The following SEC14L5 variants were observed in gnomAD, a reference collection of about 807,000 sequenced individuals.
The protein encoded by SEC14L5 is SEC14-like protein 5.
In SEC14L5, 96 loss-of-function variants were observed where a neutral mutation model predicts 84.6. That is an observed-to-expected ratio of 1.13 (90% confidence interval 0.96 to 1.34). The LOEUF is 1.34. Among genes scored for constraint, SEC14L5 ranks in the 40% most tolerant of loss-of-function variants. The pLI is 0.00. For missense variants in SEC14L5, 1,224 were observed against 942.5 expected (o/e 1.30, Z -3.91); for synonymous variants, 546 against 383.4 (o/e 1.42, Z -4.95).
chr16:4,977,941 CA>C (rs1955367327), intron 2 of SEC14L5, among the ~76,000 whole-genome samples: 1 of 150,674 alleles, frequency 6.6e-6, no homozygotes, highest in African/African-American at 2.4e-5. Context: ...GCTGGGATTA[CA>C]GGTGCGCACC....
intron 6 of SEC14L5, among the ~76,000 whole-genome samples, chr16:4,993,235 TTTAA>T (rs1016665150): frequency 2.0e-5 from 3 of 152,094 alleles, no homozygotes; most frequent in Admixed American, 6.5e-5. Context: ...TTATTTTATT[TTTAA>T]TTAATTAATT....
intron 11 of SEC14L5, among the ~76,000 whole-genome samples, chr16:5,003,963 C>T (rs1048219827): frequency 5.9e-5 from 9 of 152,240 alleles, no homozygotes; most frequent in Admixed American, 2.0e-4. Context: ...TGGGTACACG[C>T]GTGCATGCAC....
intron 2 of SEC14L5, among the ~76,000 whole-genome samples, chr16:4,986,935 G>C (rs1955494000): frequency 6.6e-6 from 1 of 152,064 alleles, no homozygotes; most frequent in Admixed American, 6.6e-5. Context: ...GTACGTGTGT[G>C]GATGCTTTAG....
rs1955526485 is a variant in SEC14L5, at chr16:4,989,234, C to T, written c.345+954C>T. ...CTGTAAAATCGGGACATTGGCAGAT[C>T]CTGCCTTGCTGGATCGTTTTCACGA... On this transcript the variant is annotated intron_variant, in intron 4 of 15. Transcript: ENST00000251170. 2.0e-5 allele frequency among the ~76,000 whole-genome samples: 3 copies of T among 152,028 alleles called. No homozygotes were observed. The East Asian group carries it at 5.8e-4, about 29-fold the overall frequency.
At chr16:4,982,183 T>G (rs1955432054) in intron 2 of SEC14L5, among the ~76,000 whole-genome samples, 1 of 152,052 alleles carries the variant, frequency 6.6e-6, no homozygotes, top group Non-Finnish European at 1.5e-5. Flanking sequence ...CAAGGGCTCC[T>G]GGGCATGTAT....
At chr16:4,985,026 T>G (rs1596625481) in intron 2 of SEC14L5, among the ~76,000 whole-genome samples, 1 of 152,330 alleles carries the variant, frequency 6.6e-6, no homozygotes, top group East Asian at 1.9e-4. Flanking sequence ...CTTTTCACTT[T>G]CTTGCTTGTA....
intron 12 of SEC14L5, 65 bp from the exon 13 acceptor site, chr16:5,007,287 C>T (rs1707783162): frequency 6.5e-7 from 1 of 1,532,564 alleles, no homozygotes; most frequent in Non-Finnish European, 8.9e-7. Flanking sequence ...CATCACCCTT[C>T]TGTGGGTCAG....
At chr16:4,967,824 C>G (rs1427969021) in intron 2 of SEC14L5, among the ~76,000 whole-genome samples, 1 of 150,766 alleles carries the variant, frequency 6.6e-6, no homozygotes, top group Non-Finnish European at 1.5e-5. Flanking sequence ...CCTGAGGTCA[C>G]TTGAACTCCT....
chr16:4,982,752 C>G (rs758025837), intron 2 of SEC14L5, among the ~76,000 whole-genome samples: 1 of 152,184 alleles, frequency 6.6e-6, no homozygotes, highest in Non-Finnish European at 1.5e-5. Context: ...GCTCAGTTCT[C>G]AGGACGACTG....
At chr16:4,970,538 A>G (rs9935441) in intron 2 of SEC14L5, among the ~76,000 whole-genome samples, 63,906 of 152,022 alleles carry the variant, frequency 0.42, 14,060 homozygotes, top group Non-Finnish European at 0.49. Flanking sequence ...CAAAATCCTG[A>G]CATACCATGT....
intron 6 of SEC14L5, among the ~76,000 whole-genome samples, chr16:4,994,595 T>C (rs955724610): frequency 1.3e-5 from 2 of 152,160 alleles, no homozygotes; most frequent in African/African-American, 4.8e-5. Flanking sequence ...CCTCCTGCCT[T>C]GGTCTCCCAA....
At chr16:4,993,371 A>G (rs1568131465) in intron 6 of SEC14L5, among the ~76,000 whole-genome samples, 1 of 152,128 alleles carries the variant, frequency 6.6e-6, no homozygotes, top group Non-Finnish European at 1.5e-5. Context: ...CCTCCTGAGT[A>G]GCTGGGATTA....
At chr16:5,013,101 A>ATG (rs1363260545) in intron 15 of SEC14L5, among the ~76,000 whole-genome samples, 32,751 of 151,904 alleles carry the variant, frequency 0.22, 4,252 homozygotes, top group Admixed American at 0.33. Context: ...TCACTATCGC[A>ATG]AGAAGACCAT....
At chr16:5,009,612 C>T (rs892472242) in intron 14 of SEC14L5, among the ~76,000 whole-genome samples, 3 of 152,154 alleles carry the variant, frequency 2.0e-5, no homozygotes, top group Non-Finnish European at 4.4e-5. Flanking sequence ...GCGTGAGCCA[C>T]CATGGCTGGC....
At chr16:4,968,599 C>T (rs1205882528) in intron 2 of SEC14L5, among the ~76,000 whole-genome samples, 1 of 152,244 alleles carries the variant, frequency 6.6e-6, no homozygotes, top group East Asian at 1.9e-4. Context: ...GCTGGGATCA[C>T]AGATGTGAGC....
At chr16:4,977,808 A>T (rs990480059) in intron 2 of SEC14L5, among the ~76,000 whole-genome samples, 5 of 151,400 alleles carry the variant, frequency 3.3e-5, no homozygotes, top group Admixed American at 6.6e-5. Flanking sequence ...TTATTTATTT[A>T]TTATTATTAT....
rs1555529526 is a variant in SEC14L5 at position 4,987,503 on chromosome 16, G to GGA, written c.64-53_64-52insAG. On this transcript the variant is annotated intron_variant, in intron 2 of 15. Coordinates refer to ENST00000251170, the MANE Select transcript of SEC14L5 (RefSeq NM_014692.2). The stretch of plus-strand genomic sequence containing the variant: ...GCAGATAAGGAGGTCGCGCTGGGGG[G>GGA]GGGGGTCCCTCTGCCCCCCCCACCA... 564 of 1,441,838 alleles carry GGA rather than the reference G, an allele frequency of 3.9e-4. 4 individuals carry two copies. The highest frequency in any genetic ancestry group is 1.8e-4 in the Middle Eastern group (1 of 5,658). 89.3% of individuals were successfully genotyped at this position (1,441,838 alleles called of 1,614,324 possible). A position where few individuals can be genotyped will look rare whatever the true frequency, so the allele number is the denominator to read the frequency against.
intron 2 of SEC14L5, among the ~76,000 whole-genome samples, chr16:4,973,895 G>T (rs917889508): frequency 6.6e-6 from 1 of 152,048 alleles, no homozygotes; most frequent in Non-Finnish European, 1.5e-5. Context: ...TGTTGACCAG[G>T]CTGGTCTTGA....
chr16:4,966,107 G>T (rs1325657797), intron 2 of SEC14L5, among the ~76,000 whole-genome samples: 6 of 151,980 alleles, frequency 3.9e-5, no homozygotes, highest in Non-Finnish European at 8.8e-5. Flanking sequence ...ACACAGCACT[G>T]AAGTTCCGCC....
Sources: gnomAD v4.1 joint callset for allele counts (sites outside exome capture counted in the v4.1 genomes callset) on GRCh38, gnomAD v4.1.1 for gene constraint, MANE v1.5 for transcripts, NCBI Gene and HGNC (gene_info 2026-07-23, HGNC 2026-07-21) for gene names.